LRAT: variants seen among roughly 807,000 people sequenced by gnomAD.
The protein encoded by LRAT is lecithin retinol acyltransferase.
Under a neutral mutation model 14.2 loss-of-function variants are expected in LRAT, and 11 were observed. The observed-to-expected ratio is 0.78, with a 90% confidence interval of 0.49 to 1.29. The LOEUF is 1.29. LRAT is among the 50% of genes most tolerant of loss of function. The pLI is 0.00. For missense variants in LRAT, 274 were observed against 292.4 expected (o/e 0.94, Z 0.46); for synonymous variants, 144 against 124.8 (o/e 1.15, Z -1.03).
intron 2 of LRAT, among the ~76,000 whole-genome samples, chr4:154,745,926 T>C (rs17031988): frequency 0.077 from 11,709 of 152,236 alleles, 1,481 homozygotes; most frequent in African/African-American, 0.26. Context: ...ACATTGTTTA[T>C]GGGTTCCCCA....
At chr4:154,745,138 C>T (rs1732861178) in intron 2 of LRAT, among the ~76,000 whole-genome samples, 1 of 150,144 alleles carries the variant, frequency 6.7e-6, no homozygotes, top group African/African-American at 2.4e-5. Flanking sequence ...CCTGCCTCAG[C>T]CTCCTGAGTA....
At chr4:154,743,017 C>G (rs1032359903), upstream of LRAT, among the ~76,000 whole-genome samples, 1 of 151,600 alleles carries the variant, frequency 6.6e-6, no homozygotes, top group African/African-American at 2.4e-5. Context: ...TCATGCCAAC[C>G]GTTGGAAGCT....
In LRAT at chr4:154,744,840, A is replaced by G; in HGVS notation, c.514A>G (p.Thr172Ala). The G allele has an allele frequency of 1.2e-6, 2 of 1,613,388 alleles. No homozygotes were observed. The highest frequency in any genetic ancestry group is 1.1e-5 in the South Asian group (1 of 91,066). ...EHFVTYCRYG[T>A]PISPQSDKFC... ...CTTCGTGACCTACTGCAGATATGGCACCCCGATCAGTCCCCAGTCCGACAA... is the reference window on the plus strand; with the variant it reads ...CTTCGTGACCTACTGCAGATATGGCGCCCCGATCAGTCCCCAGTCCGACAA... The change falls in exon 2 of 3, where the codon ACC (threonine) becomes GCC (alanine). Residue 172 changes from threonine to alanine, a missense_variant. Transcript: ENST00000336356.
Position 154,749,097 on chromosome 4 carries a change from T to G in LRAT, c.654T>G (p.Pro218=). The G allele has an allele frequency of 1.2e-6, 2 of 1,613,876 alleles. No individual in the cohort carries two copies. Among genetic ancestry groups the G allele is most frequent in the Non-Finnish European group, 1.7e-6 (2 of 1,179,758 alleles). The change falls in exon 3 of 3, where the codon CCT becomes CCG. Residue 218 remains proline, a synonymous_variant. Transcript: ENST00000336356. The part of the protein sequence containing the change: ...CTGLVSYTTL[P]AIFIPFFLWM... ...GCTTGGTATCATACACTACCCTTCC[T>G]GCAATTTTTATTCCATTCTTCCTAT...
At chr4:154,741,251 T>C (rs370228085), upstream of LRAT, among the ~76,000 whole-genome samples, 9 of 152,150 alleles carry the variant, frequency 5.9e-5, no homozygotes, top group Middle Eastern at 6.8e-3. Flanking sequence ...CACGCTATAT[T>C]TTTGCAGTTG....
chr4:154,752,495 A>T lies in LRAT; in HGVS notation c.*3359A>T, dbSNP rs1266918814. ...AAGAAGTTTAGACTTTTGAACAGGC[A>T]ATCGAGATTTGGGGTTCAGAAAGAT... On this transcript the variant is annotated 3_prime_UTR_variant, in exon 3 of 3. Coordinates refer to ENST00000336356, the MANE Select transcript of LRAT (RefSeq NM_004744.5). 1 of 152,222 alleles carries T rather than the reference A, an allele frequency of 6.6e-6. No individual in the cohort carries two copies. Among genetic ancestry groups the T allele is most frequent in the African/African-American group, 2.4e-5 (1 of 41,452 alleles). 9.4% of individuals were successfully genotyped at this position (152,222 alleles called of 1,614,324 possible). A position where few individuals can be genotyped will look rare whatever the true frequency, so the allele number is the denominator to read the frequency against.
rs565728053 is a variant in LRAT, at chr4:154,744,579, A to G, written c.253A>G (p.Met85Val). 2.5e-6 allele frequency: 4 copies of G among 1,614,126 alleles called. No homozygotes were observed. Among genetic ancestry groups the G allele is most frequent in the Admixed American group, 3.3e-5 (2 of 60,024 alleles). Residue 85 changes from methionine to valine, a missense_variant, in exon 2 of 3, where the codon ATG becomes GTG. By Grantham distance (21) the Met-to-Val change is conservative. Coordinates refer to ENST00000336356, the MANE Select transcript of LRAT (RefSeq NM_004744.5). ...PDILLALTDD[M>V]GRTQKVVSNK... ...CATCCTGTTGGCCCTGACAGACGAC[A>G]TGGGGCGCACGCAGAAGGTGGTCTC...
upstream of LRAT, among the ~76,000 whole-genome samples, chr4:154,741,767 ATATAAAATG>A (rs1486928761): frequency 6.6e-6 from 1 of 152,216 alleles, no homozygotes; most frequent in East Asian, 1.9e-4. Flanking sequence ...TCTTTCATGT[ATATAAAATG>A]TATACATATG....
At chr4:154,743,125 A>ACC (rs59844353), upstream of LRAT, among the ~76,000 whole-genome samples, 126 of 17,798 alleles carry the variant, frequency 7.1e-3, no homozygotes, top group South Asian at 0.028. Context: ...GACCCCCCCA[A>ACC]CCCCCCCCCC....
chr4:154,752,407 A>G lies in LRAT; in HGVS notation c.*3271A>G, dbSNP rs968118492. The G allele has an allele frequency of 6.6e-6, 1 of 152,386 alleles. No individual in the cohort carries two copies. Among genetic ancestry groups the G allele is most frequent in the African/African-American group, 2.4e-5 (1 of 41,472 alleles). The allele number at this position is 152,386 out of a possible 1,614,324, so 9.4% of individuals were successfully genotyped here. A position where few individuals can be genotyped will look rare whatever the true frequency, so the allele number is the denominator to read the frequency against. On this transcript the variant is annotated 3_prime_UTR_variant, in exon 3 of 3. Coordinates refer to ENST00000336356, the MANE Select transcript of LRAT (RefSeq NM_004744.5). The stretch of plus-strand genomic sequence containing the variant: ...AGTGGTTCAGGGGCCAGCGCAGAGC[A>G]GAGTGCTGAGTAAAGATGTCAGAAA...
intron 2 of LRAT, among the ~76,000 whole-genome samples, chr4:154,745,081 C>G (rs1486747110): frequency 7.5e-6 from 1 of 132,452 alleles, no homozygotes; most frequent in African/African-American, 2.8e-5. Context: ...TGCAGTGGCG[C>G]GATCTCCACT....
At chr4:154,743,459 C>G (rs2111030575), upstream of LRAT, among the ~76,000 whole-genome samples, 1 of 152,210 alleles carries the variant, frequency 6.6e-6, no homozygotes, top group East Asian at 1.9e-4. Flanking sequence ...GCGCCACCGC[C>G]CTCCTGCTCT....
rs773474987 is a variant in LRAT at position 154,744,876 on chromosome 4, G to C, written c.540+10G>C. ...TCCCCAGTCCGACAAGGTATGATGT[G>C]TGACTCCCAGGGGAAGTGGGCTCCG... On this transcript the variant is annotated intron_variant, in intron 2 of 2. Transcript: ENST00000336356. 6.2e-7 allele frequency: 1 copy of C among 1,611,996 alleles called. No homozygotes were observed. The highest frequency in any genetic ancestry group is 1.3e-5 in the African/African-American group (1 of 75,020).
Position 154,751,960 on chromosome 4 carries a change from G to A in LRAT, c.*2824G>A, listed in dbSNP as rs1733006182. The stretch of plus-strand genomic sequence containing the variant: ...CATGCTTATTTTATTCTTTGTCACA[G>A]ATGAAAGAAGAATAGGACTAATTGG... On this transcript the variant is annotated 3_prime_UTR_variant, in exon 3 of 3. Coordinates refer to ENST00000336356, the MANE Select transcript of LRAT (RefSeq NM_004744.5). 6.6e-6 allele frequency: 1 copy of A among 152,130 alleles called. No homozygotes were observed. Among genetic ancestry groups the A allele is most frequent in the South Asian group, 2.1e-4 (1 of 4,820 alleles). The allele number at this position is 152,130 out of a possible 1,614,324, so 9.4% of individuals were successfully genotyped here.
At position 154,744,696 on chromosome 4, in the gene LRAT, G is replaced by T; in HGVS notation, c.370G>T (p.Val124Phe). ...CTTCGCCTACGGAGCTAACATCCTG[G>T]TCAATCACCTGGACGAGTCCCTCCA... ...EDFAYGANIL[V>F]NHLDESLQKK... is the part of the protein sequence containing the mutation. Residue 124 changes from valine (V) to phenylalanine (F), a missense_variant, in exon 2 of 3, where the codon GTC becomes TTC. Coordinates refer to ENST00000336356, the MANE Select transcript of LRAT (RefSeq NM_004744.5). The T allele has an allele frequency of 1.2e-6, 2 of 1,614,184 alleles. No homozygotes were observed. Among genetic ancestry groups the T allele is most frequent in the Non-Finnish European group, 1.7e-6 (2 of 1,180,030 alleles).
rs1048701804 is a variant in LRAT, at chr4:154,750,876, T to C, written c.*1740T>C. On this transcript the variant is annotated 3_prime_UTR_variant, in exon 3 of 3. Transcript: ENST00000336356. ...AAATATAGTGTCCTCAAATAATTAA[T>C]TTTTTTGCAAACTTTAGTTATTACA... 1 of 152,156 alleles carries C rather than the reference T, an allele frequency of 6.6e-6. No homozygotes were observed. The highest frequency in any genetic ancestry group is 2.4e-5 in the African/African-American group (1 of 41,432). 9.4% of individuals were successfully genotyped at this position (152,156 alleles called of 1,614,324 possible). A position where few individuals can be genotyped will look rare whatever the true frequency, so the allele number is the denominator to read the frequency against.
rs1732993804 is a variant in LRAT at position 154,751,617 on chromosome 4, C to G, written c.*2481C>G. ...GGCGTGGTGGCCGGCGCCTGTAGTCCCAGCTACTCATGAGGTTGAGGCAGG... is the reference window on the plus strand; with the variant it reads ...GGCGTGGTGGCCGGCGCCTGTAGTCGCAGCTACTCATGAGGTTGAGGCAGG... On this transcript the variant is annotated 3_prime_UTR_variant, in exon 3 of 3. Transcript: ENST00000336356. 1 of 151,736 alleles carries G rather than the reference C, an allele frequency of 6.6e-6. No homozygotes were observed. The highest frequency in any genetic ancestry group is 2.4e-5 in the African/African-American group (1 of 41,230). The allele number at this position is 151,736 out of a possible 1,614,324, so 9.4% of individuals were successfully genotyped here. A position where few individuals can be genotyped will look rare whatever the true frequency, so the allele number is the denominator to read the frequency against.
In LRAT at chr4:154,749,351, C is replaced by T. The variant is rs138149948; in HGVS notation, c.*215C>T. Reference sequence around the variant, plus strand: ...AGGCAGTTCAGATTTAAAGCACCATCCAAACCTTGGAAATACGACAGGGTG... The same window carrying T: ...AGGCAGTTCAGATTTAAAGCACCATTCAAACCTTGGAAATACGACAGGGTG... On this transcript the variant is annotated 3_prime_UTR_variant, in exon 3 of 3. Transcript: ENST00000336356. 95 of 556,184 alleles carry T rather than the reference C, an allele frequency of 1.7e-4. No individual in the cohort carries two copies. In the African/African-American group the frequency reaches 1.7e-3, roughly 10 times the overall value. The allele number at this position is 556,184 out of a possible 1,614,324, so 34.5% of individuals were successfully genotyped here. A position where few individuals can be genotyped will look rare whatever the true frequency, so the allele number is the denominator to read the frequency against.
chr4:154,747,376 A>AT (rs3836690), intron 2 of LRAT, among the ~76,000 whole-genome samples: 17 of 151,688 alleles, frequency 1.1e-4, no homozygotes, highest in Admixed American at 2.6e-4. Flanking sequence ...TTCTACTATG[A>AT]TTTTTTTTTA....
Sources: allele counts gnomAD v4.1 joint callset (sites outside exome capture counted in the v4.1 genomes callset), GRCh38; gene constraint gnomAD v4.1.1; transcripts MANE v1.5; gene names NCBI Gene and HGNC (gene_info 2026-07-23, HGNC 2026-07-21).